STAG1: variants seen among roughly 807,000 people sequenced by gnomAD.
STAG1 encodes the protein STAG1 cohesin complex component.
Under a neutral mutation model 170.9 loss-of-function variants are expected in STAG1, and 26 were observed. That is an observed-to-expected ratio of 0.15 (90% CI 0.11 to 0.21). The LOEUF is 0.21. Among genes scored for constraint, STAG1 ranks in the 10% least tolerant of loss-of-function variants. The probability of loss-of-function intolerance (pLI) is 1.00; values close to 1 mark genes in which losing one functional copy is unlikely to be tolerated. For missense variants in STAG1, 964 were observed against 1,509.5 expected (o/e 0.64, Z 5.99); for synonymous variants, 514 against 497.7 (o/e 1.03, Z -0.44).
At chr3:136,461,473 A>G (rs183602795) in intron 13 of STAG1, among the ~76,000 whole-genome samples, 78 of 152,306 alleles carry the variant, frequency 5.1e-4, no homozygotes, top group Admixed American at 4.1e-3. Context: ...TCTGAAAAGT[A>G]GCAGAATACA....
chr3:136,357,944 T>C (rs932790365), intron 27 of STAG1, 96 bp from the exon 28 acceptor site: 24 of 1,009,268 alleles, frequency 2.4e-5, no homozygotes, highest in Middle Eastern at 4.6e-4. Context: ...AGTAAAATTA[T>C]CACAAAAGGT....
intron 10 of STAG1, among the ~76,000 whole-genome samples, chr3:136,473,844 G>C (rs918869899): frequency 6.6e-6 from 1 of 151,762 alleles, no homozygotes; most frequent in African/African-American, 2.4e-5. Context: ...TTAGTTACTT[G>C]AGAGTAAGTT....
At chr3:136,454,524 G>A (rs182526311) in intron 13 of STAG1, among the ~76,000 whole-genome samples, 130 of 151,378 alleles carry the variant, frequency 8.6e-4, no homozygotes, top group African/African-American at 2.9e-3. Flanking sequence ...GATTACAGGC[G>A]TGTGCCACCA....
intron 1 of STAG1, among the ~76,000 whole-genome samples, chr3:136,692,801 C>T (rs533971252): frequency 6.6e-6 from 1 of 152,162 alleles, no homozygotes; most frequent in Admixed American, 6.5e-5. Context: ...CTTTGTATTC[C>T]TTAATTATAG....
chr3:136,735,332 T>C (rs1934272300), intron 1 of STAG1, among the ~76,000 whole-genome samples: 1 of 151,930 alleles, frequency 6.6e-6, no homozygotes, highest in East Asian at 1.9e-4. Context: ...TGCTATGATG[T>C]CCAGTCTGGT....
At chr3:136,619,756 CAAAAAAAAA>C (rs62857261) in intron 3 of STAG1, among the ~76,000 whole-genome samples, 6 of 67,760 alleles carry the variant, frequency 8.9e-5, no homozygotes, top group Admixed American at 2.1e-4. Flanking sequence ...GACTCTGTCT[CAAAAAAAAA>C]AAAAAAAAAA....
At chr3:136,749,223 G>C (rs1049517813) in intron 1 of STAG1, among the ~76,000 whole-genome samples, 4 of 152,128 alleles carry the variant, frequency 2.6e-5, no homozygotes, top group African/African-American at 9.7e-5. Context: ...TCAGAGCTTA[G>C]CTGGTGAGCT....
chr3:136,338,347 A>G (rs1321356389), intron 33 of STAG1, 23 bp downstream of exon 33: 13 of 1,597,140 alleles, frequency 8.1e-6, no homozygotes, highest in Non-Finnish European at 1.0e-5. Flanking sequence ...ATAAATAAAA[A>G]GCAGTAATAA....
chr3:136,496,431 A>T (rs1220811692), intron 9 of STAG1, among the ~76,000 whole-genome samples: 1 of 152,232 alleles, frequency 6.6e-6, no homozygotes, highest in East Asian at 1.9e-4. Flanking sequence ...ATTTAGAAGC[A>T]TTCAAATCAT....
intron 6 of STAG1, among the ~76,000 whole-genome samples, chr3:136,527,044 C>T (rs1935071148): frequency 6.6e-6 from 1 of 152,198 alleles, no homozygotes; most frequent in Non-Finnish European, 1.5e-5. Flanking sequence ...TTCATTTCAA[C>T]TTCGGTGAAT....
intron 1 of STAG1, among the ~76,000 whole-genome samples, chr3:136,702,254 T>C (rs1297074412): frequency 6.6e-6 from 1 of 152,188 alleles, no homozygotes; most frequent in African/African-American, 2.4e-5. Context: ...CCCAAAGTGC[T>C]TTTACATTTA....
At chr3:136,664,572 T>C (rs935197790) in intron 1 of STAG1, among the ~76,000 whole-genome samples, 1 of 152,216 alleles carries the variant, frequency 6.6e-6, no homozygotes, top group African/African-American at 2.4e-5. Flanking sequence ...CTTTTTTAGA[T>C]GGTTATTCCC....
intron 25 of STAG1, among the ~76,000 whole-genome samples, chr3:136,365,284 C>CA (rs1937033401): frequency 1.3e-5 from 2 of 152,220 alleles, no homozygotes; most frequent in African/African-American, 4.8e-5. Context: ...TAAAATGGAA[C>CA]TGACATCCAG....
intron 1 of STAG1, among the ~76,000 whole-genome samples, chr3:136,748,398 A>AT (rs565971182): frequency 0.063 from 9,243 of 146,276 alleles, 370 homozygotes; most frequent in Non-Finnish European, 0.096. Context: ...AAAATAATAA[A>AT]TTTTTTTTTT....
intron 5 of STAG1, among the ~76,000 whole-genome samples, chr3:136,550,367 G>A (rs1489096783): frequency 6.6e-6 from 1 of 151,622 alleles, no homozygotes; most frequent in Non-Finnish European, 1.5e-5. Context: ...GAGTACAGTG[G>A]CGCGATCTTG....
At chr3:136,549,052 C>T (rs116936665) in intron 5 of STAG1, among the ~76,000 whole-genome samples, 1,653 of 152,266 alleles carry the variant, frequency 0.011, 27 homozygotes, top group East Asian at 0.045. Flanking sequence ...AAACATTAAA[C>T]CTCTTTACTT....
intron 28 of STAG1, among the ~76,000 whole-genome samples, chr3:136,352,204 G>A (rs973427607): frequency 7.2e-5 from 11 of 151,934 alleles, no homozygotes; most frequent in African/African-American, 1.9e-4. Flanking sequence ...CTCTGTCACC[G>A]AGGTTGGAGT....
intron 11 of STAG1, 146 bp downstream of exon 11, chr3:136,473,393 C>A (rs970635520): frequency 1.7e-6 from 1 of 575,970 alleles, no homozygotes; most frequent in Admixed American, 3.5e-5. Flanking sequence ...TTCCATGAAA[C>A]TGGTCCCTGG....
At chr3:136,554,578 A>G (rs1488490443) in intron 5 of STAG1, among the ~76,000 whole-genome samples, 2 of 152,116 alleles carry the variant, frequency 1.3e-5, no homozygotes, top group Non-Finnish European at 2.9e-5. Context: ...TTAACCAGAA[A>G]ACTCTCATGC....
Sources: gnomAD v4.1 joint callset for allele counts (sites outside exome capture counted in the v4.1 genomes callset) on GRCh38, gnomAD v4.1.1 for gene constraint, MANE v1.5 for transcripts, NCBI Gene and HGNC (gene_info 2026-07-23, HGNC 2026-07-21) for gene names.